Variants in NARS2 observed in about 807,000 individuals in gnomAD.
NARS2 encodes the protein asparaginyl-tRNA synthetase.
Under a neutral mutation model 62.9 loss-of-function variants are expected in NARS2, and 60 were observed. The observed-to-expected ratio is 0.95, with a 90% confidence interval of 0.77 to 1.18. The LOEUF (loss-of-function observed/expected upper bound fraction) is 1.18, where lower values mean the gene tolerates loss of function less well. NARS2 is among the 50% of genes most tolerant of loss of function. The pLI is 0.00. For missense variants in NARS2, 619 were observed against 576.4 expected (o/e 1.07, Z -0.76); for synonymous variants, 196 against 200.0 (o/e 0.98, Z 0.17).
chr11:78,573,630 G>A (rs1239284807), intron 1 of NARS2: 1 of 152,268 alleles, frequency 6.6e-6, no homozygotes, highest in Non-Finnish European at 1.5e-5. Flanking sequence ...TGGAGCTGCT[G>A]CAAATAATAT....
chr11:78,570,639 C>T (rs890081663), intron 2 of NARS2, among the ~76,000 whole-genome samples: 7 of 152,184 alleles, frequency 4.6e-5, no homozygotes, highest in African/African-American at 1.7e-4. Context: ...TCTCGGCCTC[C>T]CAAAGTGCTA....
At chr11:78,458,340 T>C (rs1446654798) in intron 11 of NARS2, among the ~76,000 whole-genome samples, 5 of 152,214 alleles carry the variant, frequency 3.3e-5, no homozygotes, top group Non-Finnish European at 1.5e-5. Flanking sequence ...ACCTACTTCC[T>C]AAAACACAGC....
intron 5 of NARS2, among the ~76,000 whole-genome samples, chr11:78,552,809 C>T (rs1856177270): frequency 6.6e-6 from 1 of 152,214 alleles, no homozygotes; most frequent in Non-Finnish European, 1.5e-5. Context: ...CTCGGACCAC[C>T]TTGGGCACAT....
In NARS2 at chr11:78,534,644, TCA is replaced by T. The variant is rs200975024; in HGVS notation, c.595-5710_595-5709del. On this transcript the variant is annotated intron_variant, in intron 5 of 13. Transcript: ENST00000281038. ...AGATTCATACTAAATACCTTTTGTT[TCA>T]CAGTGTTATCTCATCAAATTAAGAA... is the stretch of plus-strand genomic sequence containing the variant. Among the ~76,000 whole-genome samples the T allele has an allele frequency of 5.8e-3, 881 of 152,350 alleles. 9 individuals are homozygous for T. The highest frequency in any genetic ancestry group is 0.02 in the African/African-American group (833 of 41,572).
At chr11:78,512,793 A>T (rs1860764815) in intron 6 of NARS2, among the ~76,000 whole-genome samples, 1 of 152,138 alleles carries the variant, frequency 6.6e-6, no homozygotes, top group Admixed American at 6.6e-5. Flanking sequence ...AAATATTTTT[A>T]ATTTTTGTGA....
chr11:78,508,949 T>C (rs980024276), intron 6 of NARS2, among the ~76,000 whole-genome samples: 4 of 151,922 alleles, frequency 2.6e-5, no homozygotes, highest in Non-Finnish European at 4.4e-5. Flanking sequence ...ATCCTGTTTC[T>C]ATTAAAAATA....
At chr11:78,510,155 G>A (rs1333868068) in intron 6 of NARS2, among the ~76,000 whole-genome samples, 1 of 152,080 alleles carries the variant, frequency 6.6e-6, no homozygotes, top group Non-Finnish European at 1.5e-5. Flanking sequence ...AATGTAAATG[G>A]ATTAAACTCT....
intron 6 of NARS2, among the ~76,000 whole-genome samples, chr11:78,508,780 C>T (rs1335238082): frequency 1.3e-4 from 20 of 151,934 alleles, no homozygotes. Context: ...CACAAAGAAT[C>T]ATGAAAGTAG....
intron 11 of NARS2, among the ~76,000 whole-genome samples, chr11:78,446,280 C>T (rs1857757028): frequency 6.6e-6 from 1 of 152,124 alleles, no homozygotes; most frequent in South Asian, 2.1e-4. Context: ...GTGCTGTATA[C>T]CTTATCCTCA....
chr11:78,562,060 C>T (rs767861222), intron 4 of NARS2, among the ~76,000 whole-genome samples: 2 of 151,798 alleles, frequency 1.3e-5, no homozygotes, highest in Middle Eastern at 3.2e-3. Flanking sequence ...AAACAAAAAA[C>T]AAAAAACATA....
In NARS2 at chr11:78,465,960, G is replaced by T. The variant is rs144922238; in HGVS notation, c.1080C>A (p.Gly360=). ...AATTAATAACGAAGACAGGTATGTTGCCACAGTGCTTCACCAGGTACTTTT... is the reference window on the plus strand; with the variant it reads ...AATTAATAACGAAGACAGGTATGTTTCCACAGTGCTTCACCAGGTACTTTT... ...EHEKYLVKHC[G]NIPVFVINYP... The change falls in exon 11 of 14, where the codon GGC becomes GGA. Residue 360 remains glycine (G), a synonymous_variant. Transcript: ENST00000281038. 92 of 1,613,868 alleles carry T rather than the reference G, an allele frequency of 5.7e-5. No homozygotes were observed. In the African/African-American group the frequency reaches 1.2e-3, roughly 20 times the overall value.
intron 5 of NARS2, among the ~76,000 whole-genome samples, chr11:78,553,837 C>T (rs1024187623): frequency 6.6e-6 from 1 of 152,118 alleles, no homozygotes; most frequent in African/African-American, 2.4e-5. Context: ...GATGGTATTG[C>T]CTAGGTTGTC....
chr11:78,545,069 G>A (rs1166186606), intron 5 of NARS2, among the ~76,000 whole-genome samples: 3 of 151,990 alleles, frequency 2.0e-5, no homozygotes, highest in African/African-American at 7.3e-5. Flanking sequence ...CTATATAAAG[G>A]CTACTTACAT....
intron 11 of NARS2, among the ~76,000 whole-genome samples, chr11:78,448,496 G>A (rs761205974): frequency 2.4e-4 from 37 of 151,996 alleles, no homozygotes; most frequent in African/African-American, 8.4e-4. Context: ...TCACTATGTC[G>A]GCCAGGCTGG....
intron 5 of NARS2, among the ~76,000 whole-genome samples, chr11:78,553,874 T>C (rs989967776): frequency 4.6e-5 from 7 of 152,224 alleles, no homozygotes; most frequent in Non-Finnish European, 1.0e-4. Flanking sequence ...GTTTTGGGTT[T>C]TACATTTAAG....
chr11:78,478,347 A>G (rs1859195752), intron 9 of NARS2, 91 bp downstream of exon 9: 1 of 481,212 alleles, frequency 2.1e-6, no homozygotes, highest in African/African-American at 2.0e-5. Flanking sequence ...TATAGGATCT[A>G]TATAAGCAGA....
At chr11:78,465,675 A>C (rs375648705) in intron 11 of NARS2, among the ~76,000 whole-genome samples, 24 of 152,254 alleles carry the variant, frequency 1.6e-4, no homozygotes, top group Admixed American at 4.6e-4. Context: ...ACTAAGAAGA[A>C]GACCTTGTGA....
chr11:78,459,881 T>C (rs916907675), intron 11 of NARS2, among the ~76,000 whole-genome samples: 1 of 152,240 alleles, frequency 6.6e-6, no homozygotes, highest in Non-Finnish European at 1.5e-5. Context: ...TTAGTATCTC[T>C]GGGTGTGAAA....
intron 11 of NARS2, among the ~76,000 whole-genome samples, chr11:78,455,601 T>C (rs1591138911): frequency 6.6e-6 from 1 of 152,070 alleles, no homozygotes; most frequent in Non-Finnish European, 1.5e-5. Context: ...TATGATCCCC[T>C]GAGAATACTG....
Sources: allele counts gnomAD v4.1 joint callset (sites outside exome capture counted in the v4.1 genomes callset), GRCh38; gene constraint gnomAD v4.1.1; transcripts MANE v1.5; gene names NCBI Gene and HGNC (gene_info 2026-07-23, HGNC 2026-07-21).